ERBB4: variants seen among roughly 807,000 people sequenced by gnomAD.
ERBB4 encodes receptor tyrosine-protein kinase erbB-4.
In ERBB4, 42 loss-of-function variants were observed where a neutral mutation model predicts 158.0. That is an observed-to-expected ratio of 0.27 (90% CI 0.21 to 0.34). ERBB4 has a LOEUF of 0.34. Among genes scored for constraint, ERBB4 ranks in the 10% least tolerant of loss-of-function variants. The pLI is 1.00. For missense variants in ERBB4, 1,333 were observed against 1,624.1 expected (o/e 0.82, Z 3.08); for synonymous variants, 583 against 558.7 (o/e 1.04, Z -0.61).
intron 1 of ERBB4, among the ~76,000 whole-genome samples, chr2:212,186,626 T>A (rs1416231621): frequency 6.6e-6 from 1 of 152,098 alleles, no homozygotes; most frequent in Non-Finnish European, 1.5e-5. Flanking sequence ...CTAAACGTCT[T>A]CAATAAGTCT....
chr2:211,435,512 G>A (rs139716169), intron 20 of ERBB4, among the ~76,000 whole-genome samples: 1 of 152,316 alleles, frequency 6.6e-6, no homozygotes, highest in Non-Finnish European at 1.5e-5. Flanking sequence ...AGCAGCACTG[G>A]TCTGTGGCCT....
intron 3 of ERBB4, among the ~76,000 whole-genome samples, chr2:211,920,072 A>G (rs1267387336): frequency 1.3e-5 from 2 of 151,952 alleles, no homozygotes; most frequent in South Asian, 2.1e-4. Context: ...TACTGTGGTA[A>G]AAAACAAAAA....
intron 1 of ERBB4, among the ~76,000 whole-genome samples, chr2:212,207,748 C>T (rs2082810031): frequency 6.6e-6 from 1 of 152,114 alleles, no homozygotes; most frequent in South Asian, 2.1e-4. Context: ...CTTGAACTCT[C>T]TACATCTAAT....
intron 19 of ERBB4, among the ~76,000 whole-genome samples, chr2:211,610,189 G>C (rs935676520): frequency 9.9e-5 from 15 of 151,938 alleles, no homozygotes; most frequent in African/African-American, 2.9e-4. Context: ...TAGATTTTTA[G>C]ATGTGTCTTT....
intron 1 of ERBB4, among the ~76,000 whole-genome samples, chr2:212,270,266 T>C (rs1264016355): frequency 6.6e-6 from 1 of 151,786 alleles, no homozygotes; most frequent in East Asian, 1.9e-4. Context: ...TGTTAGTATA[T>C]GCTAATAAAA....
chr2:212,208,909 T>C (rs1241458718), intron 1 of ERBB4, among the ~76,000 whole-genome samples: 1 of 152,180 alleles, frequency 6.6e-6, no homozygotes, highest in African/African-American at 2.4e-5. Context: ...TATTCTTTTA[T>C]ACTTTAAGGA....
chr2:212,441,398 C>T (rs1267300106), intron 1 of ERBB4, among the ~76,000 whole-genome samples: 1 of 152,192 alleles, frequency 6.6e-6, no homozygotes, highest in Middle Eastern at 3.2e-3. Flanking sequence ...AATGTTGATT[C>T]TCCTCAGGAG....
Position 212,258,498 on chromosome 2 carries a change from C to T in ERBB4, c.83-133595G>A, listed in dbSNP as rs115628646. 6.2e-3 allele frequency among the ~76,000 whole-genome samples: 935 copies of T among 151,048 alleles called. 12 individuals carry two copies. The highest frequency in any genetic ancestry group is 0.021 in the African/African-American group (888 of 41,348). ...AAAAATATTGACCCTAAAATAGTTA[C>T]GCTAAAATAATATGTTTTAAAAAAT... On this transcript the variant is annotated intron_variant, in intron 1 of 27. Coordinates refer to ENST00000342788, the MANE Select transcript of ERBB4 (RefSeq NM_005235.3).
intron 1 of ERBB4, among the ~76,000 whole-genome samples, chr2:212,158,728 C>T (rs375165649): frequency 7.9e-5 from 12 of 152,048 alleles, no homozygotes; most frequent in African/African-American, 2.9e-4. Flanking sequence ...AGCCCAAGTC[C>T]ACAACTCAGC....
At chr2:211,905,454 A>G (rs895634488) in intron 3 of ERBB4, among the ~76,000 whole-genome samples, 1 of 151,488 alleles carries the variant, frequency 6.6e-6, no homozygotes, top group African/African-American at 2.4e-5. Flanking sequence ...GTAACCTAAC[A>G]CAGGTTCTGG....
At chr2:211,502,269 T>C (rs1358161373) in intron 20 of ERBB4, among the ~76,000 whole-genome samples, 2 of 152,142 alleles carry the variant, frequency 1.3e-5, no homozygotes, top group East Asian at 3.8e-4. Context: ...CAAACAAATT[T>C]GGGAAGAAGA....
chr2:211,819,070 C>T (rs949572045), intron 3 of ERBB4, among the ~76,000 whole-genome samples: 1 of 152,122 alleles, frequency 6.6e-6, no homozygotes, highest in South Asian at 2.1e-4. Context: ...AGATAAAACC[C>T]AAATAATCTG....
intron 2 of ERBB4, among the ~76,000 whole-genome samples, chr2:211,964,786 A>C (rs2081268509): frequency 6.6e-6 from 1 of 152,198 alleles, no homozygotes; most frequent in Admixed American, 6.5e-5. Context: ...AAGATTCTAC[A>C]GGACATTTTT....
intron 25 of ERBB4, among the ~76,000 whole-genome samples, chr2:211,412,956 A>AAC: frequency 6.6e-6 from 1 of 151,164 alleles, no homozygotes; most frequent in East Asian, 1.9e-4. Flanking sequence ...GTCTCAAAAA[A>AAC]AAAAAAAAAG....
intron 1 of ERBB4, among the ~76,000 whole-genome samples, chr2:212,217,599 A>C (rs963869493): frequency 1.1e-4 from 16 of 151,358 alleles, no homozygotes; most frequent in African/African-American, 3.1e-4. Context: ...TTCCAAAGGA[A>C]AAAGAAGGAA....
intron 3 of ERBB4, among the ~76,000 whole-genome samples, chr2:211,884,678 G>A (rs1373905156): frequency 6.6e-6 from 1 of 152,100 alleles, no homozygotes; most frequent in Non-Finnish European, 1.5e-5. Context: ...ACACTTGCTT[G>A]TCTAGAGCAT....
chr2:212,192,022 T>TTC (rs2082271417), intron 1 of ERBB4, among the ~76,000 whole-genome samples: 1 of 52,902 alleles, frequency 1.9e-5, no homozygotes. Context: ...ATGTTATATG[T>TTC]TATATATGTT....
intron 20 of ERBB4, among the ~76,000 whole-genome samples, chr2:211,509,186 G>A (rs2065828672): frequency 6.6e-6 from 1 of 151,800 alleles, no homozygotes; most frequent in Non-Finnish European, 1.5e-5. Context: ...AGCCTGTCGG[G>A]GAGTGGGGGA....
Position 212,322,872 on chromosome 2 carries a change from T to TA in ERBB4, c.83-197970dup, listed in dbSNP as rs1156342965. Among the ~76,000 whole-genome samples, 4 of 150,384 alleles carry TA rather than the reference T, an allele frequency of 2.7e-5. 1 individual carries two copies. The highest frequency in any genetic ancestry group is 2.1e-4 in the South Asian group (1 of 4,710). On this transcript the variant is annotated intron_variant, in intron 1 of 27. Coordinates refer to ENST00000342788, the MANE Select transcript of ERBB4 (RefSeq NM_005235.3). ...AGCACCAGAATAGTGTTTCATTTTA[T>TA]ATACATATGGTAAACAGAACTAATT...
Sources: allele counts gnomAD v4.1 joint callset (sites outside exome capture counted in the v4.1 genomes callset), GRCh38; gene constraint gnomAD v4.1.1; transcripts MANE v1.5; gene names NCBI Gene and HGNC (gene_info 2026-07-23, HGNC 2026-07-21).